PCDH9: variants seen among roughly 807,000 people sequenced by gnomAD.
PCDH9 encodes protocadherin-9.
In PCDH9, 24 loss-of-function variants were observed where a neutral mutation model predicts 70.6. That is an observed-to-expected ratio of 0.34 (90% CI 0.25 to 0.48). PCDH9 has a LOEUF of 0.48. Ranked by LOEUF, PCDH9 falls within the 20% of genes least tolerant of loss-of-function variation. The probability of loss-of-function intolerance (pLI) is 0.99; values close to 1 mark genes in which losing one functional copy is unlikely to be tolerated. For synonymous variants in PCDH9, 562 were observed against 558.5 expected (o/e 1.01, Z -0.09); for missense variants, 1,281 against 1,503.6 (o/e 0.85, Z 2.45).
chr13:66,958,999 A>C (rs1003890705), intron 2 of PCDH9, among the ~76,000 whole-genome samples: 8 of 152,182 alleles, frequency 5.3e-5, no homozygotes, highest in Non-Finnish European at 1.0e-4. Flanking sequence ...TTCCACTTTT[A>C]GTACTTCAGT....
At chr13:66,549,935 T>G (rs143808781) in intron 4 of PCDH9, among the ~76,000 whole-genome samples, 227 of 152,256 alleles carry the variant, frequency 1.5e-3, no homozygotes, top group Middle Eastern at 3.4e-3. Flanking sequence ...ACTATTTTTT[T>G]TCTTAAGATT....
At chr13:66,492,507 A>G (rs1339264179) in intron 4 of PCDH9, among the ~76,000 whole-genome samples, 2 of 148,814 alleles carry the variant, frequency 1.3e-5, no homozygotes, top group Middle Eastern at 3.6e-3. Flanking sequence ...ATATATAATG[A>G]TATATATATG....
At chr13:66,807,334 C>T (rs1250099855) in intron 3 of PCDH9, among the ~76,000 whole-genome samples, 1 of 152,084 alleles carries the variant, frequency 6.6e-6, no homozygotes. Flanking sequence ...TACCAAATAG[C>T]TGGATTTGTG....
intron 2 of PCDH9, among the ~76,000 whole-genome samples, chr13:67,174,736 G>A (rs1372429780): frequency 2.0e-5 from 3 of 152,060 alleles, no homozygotes; most frequent in African/African-American, 4.8e-5. Context: ...CACTGACTTT[G>A]ATCTAAACAA....
At chr13:66,735,563 T>C (rs2079135531) in intron 3 of PCDH9, among the ~76,000 whole-genome samples, 1 of 152,170 alleles carries the variant, frequency 6.6e-6, no homozygotes, top group African/African-American at 2.4e-5. Context: ...ATGAAGGAAC[T>C]GTGTTTTAAA....
chr13:66,506,064 T>C (rs148680595), intron 4 of PCDH9, among the ~76,000 whole-genome samples: 5 of 152,336 alleles, frequency 3.3e-5, no homozygotes, highest in African/African-American at 4.8e-5. Context: ...CATGCTCTTA[T>C]AGTAAATTGC....
intron 4 of PCDH9, among the ~76,000 whole-genome samples, chr13:66,555,416 G>GA (rs1240830146): frequency 2.8e-4 from 5 of 17,968 alleles, no homozygotes; most frequent in African/African-American, 3.5e-4. Context: ...GCTACATTCT[G>GA]GGGAAAAAAA....
At chr13:66,845,219 G>A (rs774998116) in intron 3 of PCDH9, among the ~76,000 whole-genome samples, 2 of 152,150 alleles carry the variant, frequency 1.3e-5, no homozygotes, top group Admixed American at 6.5e-5. Context: ...TTATGCTAAG[G>A]GGCAGCTGTA....
intron 3 of PCDH9, among the ~76,000 whole-genome samples, chr13:66,785,787 C>T (rs1001372001): frequency 1.3e-5 from 2 of 151,624 alleles, no homozygotes; most frequent in African/African-American, 2.4e-5. Context: ...ATGTATGGAT[C>T]ACCCTACATC....
intron 3 of PCDH9, among the ~76,000 whole-genome samples, chr13:66,892,853 T>C (rs1159546155): frequency 2.6e-5 from 4 of 152,260 alleles, no homozygotes; most frequent in South Asian, 2.1e-4. Flanking sequence ...ATGCAGATAA[T>C]ATGTACACAT....
rs748233297 is a variant in PCDH9, at chr13:67,226,699, A to G, written c.1742T>C (p.Val581Ala). The part of the protein sequence containing the change: ...KFTHNHFQFF[V>A]SENLPKYSTV... ...ACTATACTTTGGCAGATTCTCAGACACAAAAAATTGAAAATGATTATGAGT... is the reference window on the plus strand; with the variant it reads ...ACTATACTTTGGCAGATTCTCAGACGCAAAAAATTGAAAATGATTATGAGT... Residue 581 changes from valine (V) to alanine (A), a missense_variant, in exon 2 of 5, where the codon GTG becomes GCG. Coordinates refer to ENST00000377865, the MANE Select transcript of PCDH9 (RefSeq NM_203487.3). The surrounding 1 kb of genome is among the most constrained non-coding windows in gnomAD (Gnocchi z 5.0). 1 of 1,614,124 alleles carries G rather than the reference A, an allele frequency of 6.2e-7. No individual in the cohort carries two copies. The highest frequency in any genetic ancestry group is 8.5e-7 in the Non-Finnish European group (1 of 1,179,972).
chr13:66,651,645 C>T (rs1468828702), intron 3 of PCDH9, among the ~76,000 whole-genome samples: 3 of 152,008 alleles, frequency 2.0e-5, no homozygotes, highest in African/African-American at 7.2e-5. Context: ...GGAAGGAATG[C>T]TTCCAAACTC....
At chr13:66,382,756 C>T (rs894382999) in intron 4 of PCDH9, among the ~76,000 whole-genome samples, 2 of 152,054 alleles carry the variant, frequency 1.3e-5, no homozygotes, top group Non-Finnish European at 2.9e-5. Flanking sequence ...TGTGGCCAGG[C>T]GCGGTGGCTC....
intron 3 of PCDH9, among the ~76,000 whole-genome samples, chr13:66,769,100 T>A (rs2079763354): frequency 6.6e-6 from 1 of 152,124 alleles, no homozygotes; most frequent in Non-Finnish European, 1.5e-5. Context: ...AGACACTGAC[T>A]CTGGTTAAAA....
At chr13:66,722,228 G>T (rs1057317337) in intron 3 of PCDH9, among the ~76,000 whole-genome samples, 1 of 152,098 alleles carries the variant, frequency 6.6e-6, no homozygotes, top group Non-Finnish European at 1.5e-5. Context: ...TACGTATCAG[G>T]CATGTGTGTA....
chr13:66,474,052 G>T (rs2138490177), intron 4 of PCDH9, among the ~76,000 whole-genome samples: 1 of 152,184 alleles, frequency 6.6e-6, no homozygotes, highest in South Asian at 2.1e-4. Flanking sequence ...TTTAATGTCA[G>T]CATTTAAGGA....
intron 3 of PCDH9, among the ~76,000 whole-genome samples, chr13:66,707,343 GA>G (rs2078725042): frequency 6.6e-6 from 1 of 152,136 alleles, no homozygotes; most frequent in African/African-American, 2.4e-5. Context: ...CATATTGAAA[GA>G]GACACTACGC....
chr13:66,935,123 G>A (rs1183240836), intron 2 of PCDH9, among the ~76,000 whole-genome samples: 2 of 151,798 alleles, frequency 1.3e-5, no homozygotes, highest in Admixed American at 6.6e-5. Flanking sequence ...GTGCAGTGGC[G>A]CATCACGATT....
At chr13:66,938,222 A>T (rs1445866873) in intron 2 of PCDH9, among the ~76,000 whole-genome samples, 1 of 152,242 alleles carries the variant, frequency 6.6e-6, no homozygotes. Context: ...TCATTAGGAA[A>T]AAGTAAAAGA....
Sources: gnomAD v4.1 joint callset for allele counts (sites outside exome capture counted in the v4.1 genomes callset) on GRCh38, gnomAD v4.1.1 for gene constraint, Gnocchi (gnomAD v3.1) non-coding constraint, MANE v1.5 for transcripts, NCBI Gene and HGNC (gene_info 2026-07-23, HGNC 2026-07-21) for gene names.